GBF1: variants seen among roughly 807,000 people sequenced by gnomAD.
GBF1 encodes Golgi-specific brefeldin A-resistance guanine nucleotide exchange factor 1.
A neutral mutation model predicts 210.5 loss-of-function variants in GBF1; 114 were observed. The observed-to-expected ratio is 0.54, with a 90% CI of 0.47 to 0.63. The LOEUF is 0.63. Ranked by LOEUF, GBF1 falls within the 30% of genes least tolerant of loss-of-function variation. The probability of loss-of-function intolerance (pLI) is 0.00; values close to 1 mark genes in which losing one functional copy is unlikely to be tolerated. For missense variants in GBF1, 1,851 were observed against 2,357.7 expected (o/e 0.79, Z 4.45); for synonymous variants, 850 against 889.2 (o/e 0.96, Z 0.78).
chr10:102,366,020 G>A lies in GBF1; in HGVS notation c.2310-363G>A, dbSNP rs2059895074. 6.6e-6 allele frequency among the ~76,000 whole-genome samples: 1 copy of A among 152,020 alleles called. No homozygotes were observed. The highest frequency in any genetic ancestry group is 2.1e-4 in the South Asian group (1 of 4,820). On this transcript the variant is annotated intron_variant, in intron 18 of 39. Coordinates refer to ENST00000369983, the MANE Select transcript of GBF1 (RefSeq NM_001377137.1). This position sits in a 1 kb window ranked among gnomAD's most constrained non-coding sequence, Gnocchi z 4.0. ...GACAGAACATCCCTACCTCAAAGCG[G>A]TCTCTATAAATTTCTTCTGGAGACC...
intron 1 of GBF1, among the ~76,000 whole-genome samples, chr10:102,250,524 AT>A (rs60331671): frequency 0.024 from 3,417 of 143,448 alleles, 107 homozygotes; most frequent in African/African-American, 0.078. Flanking sequence ...TGTCCCACTA[AT>A]TTTTTTTTTT....
In GBF1 at chr10:102,363,219, C is replaced by A; in HGVS notation, c.1877-37C>A. 1 of 1,579,788 alleles carries A rather than the reference C, an allele frequency of 6.3e-7. No homozygotes were observed. The highest frequency in any genetic ancestry group is 8.6e-7 in the Non-Finnish European group (1 of 1,161,866). On this transcript the variant is annotated intron_variant, in intron 15 of 39. Transcript: ENST00000369983. This position sits in a 1 kb window ranked among gnomAD's most constrained non-coding sequence, Gnocchi z 4.2. ...CCTGCAGCTCTGCTTGGCTTCATAC[C>A]CTATAAGTCTTCACGTATCTTCTTC...
In GBF1 at chr10:102,369,304, A is replaced by T. The variant is rs2060078343; in HGVS notation, c.3067A>T (p.Ile1023Phe). Residue 1023 changes from isoleucine (I) to phenylalanine (F), a missense_variant, in exon 24 of 40, where the codon ATC becomes TTC. Coordinates refer to ENST00000369983, the MANE Select transcript of GBF1 (RefSeq NM_001377137.1). ...VFHLAHRHGD[I>F]LREGWKNIME... ...CCATTTGGCCCATCGTCATGGTGACATCCTGCGGGAGGGCTGGAAGAATAT... is the reference window on the plus strand; with the variant it reads ...CCATTTGGCCCATCGTCATGGTGACTTCCTGCGGGAGGGCTGGAAGAATAT... The T allele has an allele frequency of 6.2e-7, 1 of 1,613,896 alleles. No homozygotes were observed. The highest frequency in any genetic ancestry group is 1.6e-4 in the Middle Eastern group (1 of 6,062).
intron 3 of GBF1, among the ~76,000 whole-genome samples, chr10:102,329,670 A>G (rs1000086738): frequency 1.3e-5 from 2 of 149,812 alleles, no homozygotes; most frequent in African/African-American, 4.9e-5. Context: ...TCACCGTGTT[A>G]ACCAGGATGG....
chr10:102,369,901 C>T lies in GBF1; in HGVS notation c.3256C>T (p.Leu1086=). 1 of 1,614,058 alleles carries T rather than the reference C, an allele frequency of 6.2e-7. No individual in the cohort carries two copies. Among genetic ancestry groups the T allele is most frequent in the Non-Finnish European group, 8.5e-7 (1 of 1,179,944 alleles). ...GCTGAGCTTTGTGAGCTGGCTAACA[C>T]TGAGTGGTCCTGAGCAGTCTAGTGT... ...TVLSFVSWLT[L]SGPEQSSVRG... Residue 1086 remains leucine (L), a synonymous_variant, in exon 26 of 40, where the codon CTG becomes TTG. Coordinates refer to ENST00000369983, the MANE Select transcript of GBF1 (RefSeq NM_001377137.1).
chr10:102,326,889 A>G (rs1056421843), intron 3 of GBF1, among the ~76,000 whole-genome samples: 1 of 152,134 alleles, frequency 6.6e-6, no homozygotes, highest in African/African-American at 2.4e-5. Flanking sequence ...TTGTGTGGAT[A>G]TATAAGGAGA....
At chr10:102,339,146 TGA>T (rs2057992797) in intron 3 of GBF1, among the ~76,000 whole-genome samples, 1 of 152,148 alleles carries the variant, frequency 6.6e-6, no homozygotes, top group Non-Finnish European at 1.5e-5. Context: ...GTGGATCACC[TGA>T]GGTCAGGAGT....
At chr10:102,256,284 A>T (rs754760767) in intron 1 of GBF1, among the ~76,000 whole-genome samples, 9 of 151,640 alleles carry the variant, frequency 5.9e-5, no homozygotes, top group Admixed American at 3.3e-4. Context: ...TTCCTTTATC[A>T]TGGTGGTTTT....
chr10:102,369,508 C>T, intron 24 of GBF1, 121 bp downstream of exon 24: 2 of 884,544 alleles, frequency 2.3e-6, no homozygotes, highest in South Asian at 3.2e-5. Context: ...CCACAGCTCA[C>T]CAGGAATGCC....
intron 29 of GBF1, among the ~76,000 whole-genome samples, 152 bp from the exon 30 acceptor site, chr10:102,375,202 GAAAAA>G (rs374953670): frequency 7.9e-6 from 1 of 126,384 alleles, no homozygotes; most frequent in African/African-American, 2.9e-5. Flanking sequence ...ATTTCTATTT[GAAAAA>G]AAAAAAAAAG....
intron 29 of GBF1, among the ~76,000 whole-genome samples, chr10:102,373,246 C>T (rs140791296): frequency 6.6e-6 from 1 of 152,306 alleles, no homozygotes; most frequent in East Asian, 1.9e-4. Context: ...GGCAGATAGG[C>T]ACATGAAATG....
chr10:102,367,979 A>G (rs183011590), intron 21 of GBF1, among the ~76,000 whole-genome samples: 89 of 152,334 alleles, frequency 5.8e-4, no homozygotes, highest in African/African-American at 2.1e-3. Context: ...CACACCTAGT[A>G]AGAATGTGTG....
chr10:102,264,815 A>G (rs1400544359), intron 3 of GBF1, among the ~76,000 whole-genome samples: 1 of 152,250 alleles, frequency 6.6e-6, no homozygotes, highest in Non-Finnish European at 1.5e-5. Flanking sequence ...TGTGCTTCTC[A>G]GAGCGGGTGG....
intron 3 of GBF1, among the ~76,000 whole-genome samples, chr10:102,325,160 A>G (rs2056782882): frequency 6.6e-6 from 1 of 152,176 alleles, no homozygotes; most frequent in Non-Finnish European, 1.5e-5. Flanking sequence ...CCCCGAATCT[A>G]ATTCCCTAAG....
In GBF1 at chr10:102,382,204, A is replaced by C; in HGVS notation, c.5451A>C (p.Pro1817=). The C allele has an allele frequency of 6.2e-7, 1 of 1,613,868 alleles. No homozygotes were observed. The highest frequency in any genetic ancestry group is 8.5e-7 in the Non-Finnish European group (1 of 1,179,902). ...PPLILQPLAS[P]LQVGVPPMTL... is the part of the protein sequence containing the mutation. ...TGATCCTGCAGCCCTTGGCCTCCCC[A>C]CTGCAGGTGGGCGTGCCACCTATGA... Residue 1817 remains proline (P), a synonymous_variant, in exon 40 of 40, where the codon CCA becomes CCC. Transcript: ENST00000369983.
At chr10:102,309,382 T>TA (rs903707082) in intron 3 of GBF1, among the ~76,000 whole-genome samples, 4 of 152,220 alleles carry the variant, frequency 2.6e-5, no homozygotes, top group Non-Finnish European at 4.4e-5. Context: ...TCAGCTCTAA[T>TA]AAGATGGCCT....
intron 3 of GBF1, among the ~76,000 whole-genome samples, chr10:102,289,276 T>C (rs935937012): frequency 4.6e-5 from 7 of 152,246 alleles, no homozygotes; most frequent in African/African-American, 1.7e-4. Context: ...TTCATTGATG[T>C]CTTTCCCTCC....
intron 3 of GBF1, among the ~76,000 whole-genome samples, chr10:102,307,764 T>A (rs2078035495): frequency 6.6e-6 from 1 of 152,002 alleles, no homozygotes; most frequent in Non-Finnish European, 1.5e-5. Context: ...CACTCCAGCC[T>A]GACTGAGTGA....
the GBF1 span, chr10:102,231,850 C>A: frequency 1.3e-6 from 2 of 1,581,534 alleles, no homozygotes; most frequent in South Asian, 2.2e-5. Context: ...TTCTCCGGCT[C>A]GGGGACCTCC....
Sources: gnomAD v4.1 joint callset for allele counts (sites outside exome capture counted in the v4.1 genomes callset) on GRCh38, gnomAD v4.1.1 for gene constraint, Gnocchi (gnomAD v3.1) non-coding constraint, MANE v1.5 for transcripts, NCBI Gene and HGNC (gene_info 2026-07-23, HGNC 2026-07-21) for gene names.